Variants in NOL9 observed in about 807,000 individuals in gnomAD.
The protein encoded by NOL9 is nucleolar protein 9.
In NOL9, 28 loss-of-function variants were observed where a neutral mutation model predicts 67.9. That is an observed-to-expected ratio of 0.41 (90% CI 0.31 to 0.57). The LOEUF (loss-of-function observed/expected upper bound fraction) is 0.57, where lower values mean the gene tolerates loss of function less well. Among genes scored for constraint, NOL9 ranks in the 20% least tolerant of loss-of-function variants. The pLI is 0.25. For synonymous variants in NOL9, 356 were observed against 352.2 expected, an observed-to-expected ratio of 1.01 and a Z score of -0.12; for missense variants, 777 against 897.0, an observed-to-expected ratio of 0.87 and a Z score of 1.71.
intron 6 of NOL9, among the ~76,000 whole-genome samples, chr1:6,536,480 T>C (rs995863119): frequency 1.3e-5 from 2 of 152,214 alleles, no homozygotes; most frequent in Admixed American, 6.5e-5. Flanking sequence ...TGCAGTAAGC[T>C]ATGATCACAC....
intron 5 of NOL9, among the ~76,000 whole-genome samples, chr1:6,544,063 T>C (rs1324517261): frequency 6.6e-6 from 1 of 151,484 alleles, no homozygotes; most frequent in Non-Finnish European, 1.5e-5. Context: ...GAGGCGGAGG[T>C]TGCAGTGAGC....
intron 10 of NOL9, among the ~76,000 whole-genome samples, chr1:6,527,933 A>C (rs1333651619): frequency 1.3e-5 from 2 of 150,590 alleles, no homozygotes; most frequent in Admixed American, 1.3e-4. Context: ...TCCGTCTCGG[A>C]AAAAAAAACA....
Position 6,550,950 on chromosome 1 carries a change from T to G in NOL9, c.397-335A>C, listed in dbSNP as rs142211010. On this transcript the variant is annotated intron_variant, in intron 1 of 11. Coordinates refer to ENST00000377705, the MANE Select transcript of NOL9 (RefSeq NM_024654.5). ...CATCCACCTCGGCCTCCCAAAGTGC[T>G]GGGATTACAGGCGTGCGCCACCGCA... Among the ~76,000 whole-genome samples the G allele has an allele frequency of 4.3e-3, 651 of 152,244 alleles. 6 individuals are homozygous for G. The highest frequency in any genetic ancestry group is 0.015 in the African/African-American group (626 of 41,558).
At chr1:6,534,612 T>G (rs1418400492) in intron 6 of NOL9, among the ~76,000 whole-genome samples, 1 of 152,192 alleles carries the variant, frequency 6.6e-6, no homozygotes, top group Non-Finnish European at 1.5e-5. Context: ...GGGAGTGGCC[T>G]GTATAGTTCA....
chr1:6,530,626 G>A (rs1433980218), intron 9 of NOL9, among the ~76,000 whole-genome samples: 1 of 152,202 alleles, frequency 6.6e-6, no homozygotes, highest in Non-Finnish European at 1.5e-5. Context: ...CAGAGGCCTG[G>A]AGCCCACACC....
intron 5 of NOL9, among the ~76,000 whole-genome samples, chr1:6,542,163 A>AT (rs5772238): frequency 7.0e-4 from 98 of 140,314 alleles, no homozygotes; most frequent in African/African-American, 2.5e-3. Context: ...GCTCTTTCAG[A>AT]TTTTTTTTTT....
At chr1:6,526,936 C>CT (rs1410610184) in intron 10 of NOL9, 107 bp from the exon 11 acceptor site, 5 of 1,380,548 alleles carry the variant, frequency 3.6e-6, no homozygotes, top group African/African-American at 1.4e-5. Context: ...TATATCAACT[C>CT]TGTTTTGTTT....
chr1:6,529,620 AAAAAT>A (rs1557782852), intron 9 of NOL9, among the ~76,000 whole-genome samples: 1 of 151,842 alleles, frequency 6.6e-6, no homozygotes, highest in Non-Finnish European at 1.5e-5. Context: ...AATAAAAATA[AAAAAT>A]AAAATAAAAA....
At position 6,554,126 on chromosome 1, in the gene NOL9, A is replaced by G; in HGVS notation, c.377T>C (p.Leu126Pro). Reference sequence around the variant, plus strand: ...ACCTACCTGCTCGACCGGCAGCAGCAGCAACGCGCGGCCGGGGCCCACGGG... The same window carrying G: ...ACCTACCTGCTCGACCGGCAGCAGCGGCAACGCGCGGCCGGGGCCCACGGG... The part of the protein sequence containing the change: ...VRPVGPGRAL[L>P]LLPVEQGFTF... Residue 126 changes from leucine (L) to proline (P), a missense_variant, in exon 1 of 12, where the codon CTG becomes CCG. Around this residue, in one of 2 missense-constraint regions of NOL9, gnomAD observed 364 missense variants for 344.4 expected, o/e 1.06. Transcript: ENST00000377705. The G allele has an allele frequency of 6.5e-7, 1 of 1,530,220 alleles. No homozygotes were observed. The highest frequency in any genetic ancestry group is 8.8e-7 in the Non-Finnish European group (1 of 1,138,204). 94.8% of individuals were successfully genotyped at this position (1,530,220 alleles called of 1,614,324 possible).
intron 1 of NOL9, 60 bp downstream of exon 1, chr1:6,554,047 C>T: frequency 2.9e-6 from 4 of 1,388,176 alleles, no homozygotes; most frequent in Non-Finnish European, 3.9e-6. Context: ...GCAGCTCTCC[C>T]GGGGCTGCCT....
At chr1:6,544,125 A>T (rs1396664102) in intron 5 of NOL9, among the ~76,000 whole-genome samples, 1 of 151,972 alleles carries the variant, frequency 6.6e-6, no homozygotes, top group African/African-American at 2.4e-5. Context: ...CTGTCTCAAA[A>T]ACAAACAACT....
chr1:6,553,655 C>G (rs923172184), intron 1 of NOL9, among the ~76,000 whole-genome samples: 40 of 152,022 alleles, frequency 2.6e-4, no homozygotes, highest in Admixed American at 1.1e-3. Flanking sequence ...TCCTGGCTAA[C>G]ATGGCGAAAC....
At position 6,525,030 on chromosome 1, in the gene NOL9, C is replaced by A. The variant is rs924847605; in HGVS notation, c.*824G>T. 1.3e-5 allele frequency: 2 copies of A among 151,888 alleles called. No individual in the cohort carries two copies. Among genetic ancestry groups the A allele is most frequent in the South Asian group, 4.2e-4 (2 of 4,808 alleles). The allele number at this position is 151,888 out of a possible 1,614,324, so 9.4% of individuals were successfully genotyped here. On this transcript the variant is annotated 3_prime_UTR_variant, in exon 12 of 12. Coordinates refer to ENST00000377705, the MANE Select transcript of NOL9 (RefSeq NM_024654.5). Reference sequence around the variant, plus strand: ...CTGGAATTACAGGCGTGAGCCACTGCGCCTGGCCCCGAGGTTTTCCAGATT... The same window carrying A: ...CTGGAATTACAGGCGTGAGCCACTGAGCCTGGCCCCGAGGTTTTCCAGATT...
At chr1:6,541,315 G>A (rs145407096) in intron 6 of NOL9, among the ~76,000 whole-genome samples, 2,515 of 152,194 alleles carry the variant, frequency 0.017, 70 homozygotes, top group African/African-American at 0.058. Context: ...CCGAGGAGCT[G>A]GGACTACAGG....
Position 6,554,508 on chromosome 1 carries a change from G to A in NOL9, c.-6C>T, listed in dbSNP as rs762796063. 4.6e-6 allele frequency: 7 copies of A among 1,528,824 alleles called. No homozygotes were observed. Among genetic ancestry groups the A allele is most frequent in the Non-Finnish European group, 5.2e-6 (6 of 1,152,572 alleles). The allele number at this position is 1,528,824 out of a possible 1,614,324, so 94.7% of individuals were successfully genotyped here. A position where few individuals can be genotyped will look rare whatever the true frequency, so the allele number is the denominator to read the frequency against. ...AGCAGTCCCGAGTCCGCCATGCTGGGTCCTCAGGGCCTACCGCGCGAGAAT... is the reference window on the plus strand; with the variant it reads ...AGCAGTCCCGAGTCCGCCATGCTGGATCCTCAGGGCCTACCGCGCGAGAAT... On this transcript the variant is annotated 5_prime_UTR_variant, in exon 1 of 12. Transcript: ENST00000377705.
chr1:6,550,684 T>C, intron 1 of NOL9, 69 bp from the exon 2 acceptor site: 4 of 341,710 alleles, frequency 1.2e-5, no homozygotes, highest in Non-Finnish European at 7.5e-6. Flanking sequence ...TTCTAAAATC[T>C]TTTTTTTTTT....
intron 3 of NOL9, chr1:6,548,480 A>T (rs972858822): frequency 8.5e-6 from 2 of 234,662 alleles, no homozygotes; most frequent in African/African-American, 4.6e-5. Flanking sequence ...TGTCCAAAAC[A>T]AAAACCATGT....
chr1:6,533,281 T>C lies in NOL9; in HGVS notation c.1236A>G (p.Ser412=), dbSNP rs1174742688. The part of the protein sequence containing the change: ...PLIVNTMGWV[S]DQGLLLLIDL... ...GCAGATGTGCACATGCAGGCTTACC[T>C]GAAACCCATCCCATAGTGTTGACGA... is the stretch of plus-strand genomic sequence containing the variant. The change falls in exon 7 of 12, where the codon TCA becomes TCG. Residue 412 remains serine, a splice_region_variant and synonymous_variant. Coordinates refer to ENST00000377705, the MANE Select transcript of NOL9 (RefSeq NM_024654.5). The C allele has an allele frequency of 2.5e-6, 4 of 1,593,938 alleles. No homozygotes were observed. Among genetic ancestry groups the C allele is most frequent in the Non-Finnish European group, 2.6e-6 (3 of 1,167,688 alleles).
In NOL9 at chr1:6,550,472, G is replaced by A. The variant is rs78433066; in HGVS notation, c.540C>T (p.His180=). ...THSCLSIHAL[H]YSQPEKSKKE... Reference sequence around the variant, plus strand: ...TCTTGCTTTTCTCAGGCTGTGAGTAGTGAAGTGCATGGATACTCAAGCAAG... The same window carrying A: ...TCTTGCTTTTCTCAGGCTGTGAGTAATGAAGTGCATGGATACTCAAGCAAG... Residue 180 remains histidine, a synonymous_variant, in exon 2 of 12, where the codon CAC becomes CAT. Transcript: ENST00000377705. 1.7e-3 allele frequency: 2,823 copies of A among 1,614,102 alleles called. 44 individuals are homozygous for A. The African/African-American group carries it at 0.03, about 17-fold the overall frequency.
Sources: gnomAD v4.1 joint callset for allele counts (sites outside exome capture counted in the v4.1 genomes callset) on GRCh38, gnomAD v4.1.1 for gene constraint, gnomAD v4.1.1 regional missense constraint, MANE v1.5 for transcripts, NCBI Gene and HGNC (gene_info 2026-07-23, HGNC 2026-07-21) for gene names.